Variants in AGBL4 observed in about 807,000 individuals in gnomAD.
The protein encoded by AGBL4 is AGBL carboxypeptidase 4, also known as cytosolic carboxypeptidase 6.
A neutral mutation model predicts 66.4 loss-of-function variants in AGBL4; 58 were observed. The ratio of observed to expected loss-of-function variants is 0.87; its 90% CI spans 0.71 to 1.09. The LOEUF is 1.09. Among genes scored for constraint, AGBL4 ranks in the 50% least tolerant of loss-of-function variants. AGBL4 has a pLI of 0.00. For synonymous variants in AGBL4, 234 were observed against 222.9 expected, an observed-to-expected ratio of 1.05 and a Z score of -0.44; for missense variants, 579 against 631.0, an observed-to-expected ratio of 0.92 and a Z score of 0.88.
intron 6 of AGBL4, among the ~76,000 whole-genome samples, chr1:48,851,863 T>C (rs905304736): frequency 6.6e-6 from 1 of 151,922 alleles, no homozygotes; most frequent in Admixed American, 6.6e-5. Flanking sequence ...TAGAGCCTAT[T>C]GGCATGTCAG....
At chr1:49,348,171 C>G (rs1645675178) in intron 3 of AGBL4, among the ~76,000 whole-genome samples, 1 of 152,118 alleles carries the variant, frequency 6.6e-6, no homozygotes, top group African/African-American at 2.4e-5. Flanking sequence ...GTAATCCCAG[C>G]ACTTTGGGAG....
At position 48,842,316 on chromosome 1, in the gene AGBL4, A is replaced by T. The variant is rs191878633; in HGVS notation, c.634+24875T>A. On this transcript the variant is annotated intron_variant, in intron 6 of 13. Transcript: ENST00000371839. ...AGTGTATTTCACTGAAGATGATCTC[A>T]CCAAGTCATTGTCCTCTGTGTAGCG... Among the ~76,000 whole-genome samples, 28 of 152,060 alleles carry T rather than the reference A, an allele frequency of 1.8e-4. No individual in the cohort carries two copies. In the East Asian group the frequency reaches 5.2e-3, roughly 28 times the overall value.
chr1:49,564,581 G>A (rs1199185913), intron 3 of AGBL4, among the ~76,000 whole-genome samples: 1 of 152,138 alleles, frequency 6.6e-6, no homozygotes, highest in African/African-American at 2.4e-5. Flanking sequence ...AGTCATTCAG[G>A]AGCAGGTTGT....
chr1:49,564,294 G>T (rs1644134424), intron 3 of AGBL4, among the ~76,000 whole-genome samples: 1 of 152,040 alleles, frequency 6.6e-6, no homozygotes, highest in African/African-American at 2.4e-5. Context: ...GGCTTTTTGT[G>T]TCTCTATTTC....
At chr1:49,411,872 G>T (rs1336146681) in intron 3 of AGBL4, among the ~76,000 whole-genome samples, 2 of 152,186 alleles carry the variant, frequency 1.3e-5, no homozygotes, top group African/African-American at 4.8e-5. Context: ...AAGTCTGAAT[G>T]AGGGCAGTGG....
At position 48,760,646 on chromosome 1, in the gene AGBL4, T is replaced by C. The variant is rs115091876; in HGVS notation, c.635-97405A>G. Among the ~76,000 whole-genome samples, 588 of 152,304 alleles carry C rather than the reference T, an allele frequency of 3.9e-3. 2 individuals are homozygous for C. Among genetic ancestry groups the C allele is most frequent in the African/African-American group, 0.013 (543 of 41,556 alleles). On this transcript the variant is annotated intron_variant, in intron 6 of 13. Transcript: ENST00000371839. ...CATAGCAGGAGTACAATGAATGCCATGAACTGAACTCAGCTACATTCCTTG... is the reference window on the plus strand; with the variant it reads ...CATAGCAGGAGTACAATGAATGCCACGAACTGAACTCAGCTACATTCCTTG...
chr1:49,413,684 G>A (rs1325298501), intron 3 of AGBL4, among the ~76,000 whole-genome samples: 1 of 152,132 alleles, frequency 6.6e-6, no homozygotes, highest in Non-Finnish European at 1.5e-5. Context: ...CCTGATCATC[G>A]CTGGGCTTAT....
At chr1:49,275,683 T>A (rs1262508043) in intron 3 of AGBL4, among the ~76,000 whole-genome samples, 1 of 152,148 alleles carries the variant, frequency 6.6e-6, no homozygotes, top group South Asian at 2.1e-4. Context: ...TGCCCATAGT[T>A]TTTGAGTTTT....
chr1:49,068,717 A>C (rs1644540470), intron 4 of AGBL4, among the ~76,000 whole-genome samples: 1 of 152,222 alleles, frequency 6.6e-6, no homozygotes, highest in Non-Finnish European at 1.5e-5. Flanking sequence ...TTATAGTAGA[A>C]TGATTTATAA....
At chr1:49,404,562 G>A (rs1458080155) in intron 3 of AGBL4, among the ~76,000 whole-genome samples, 1 of 152,136 alleles carries the variant, frequency 6.6e-6, no homozygotes, top group African/African-American at 2.4e-5. Flanking sequence ...TTATTCCTAT[G>A]TAGGCACCAT....
At chr1:49,578,562 G>T (rs1429780554) in intron 3 of AGBL4, among the ~76,000 whole-genome samples, 4 of 152,190 alleles carry the variant, frequency 2.6e-5, no homozygotes, top group Non-Finnish European at 5.9e-5. Context: ...AAACATGTTT[G>T]TGCACGTATG....
At chr1:48,937,843 A>G (rs1160942219) in intron 5 of AGBL4, among the ~76,000 whole-genome samples, 1 of 152,200 alleles carries the variant, frequency 6.6e-6, no homozygotes, top group Non-Finnish European at 1.5e-5. Context: ...GTTACCTTCC[A>G]TACCCACTAC....
At chr1:48,753,174 G>A (rs1310287193) in intron 6 of AGBL4, among the ~76,000 whole-genome samples, 3 of 152,372 alleles carry the variant, frequency 2.0e-5, no homozygotes, top group East Asian at 3.9e-4. Flanking sequence ...TGGAAGAGCT[G>A]GGGTTGAAAA....
intron 2 of AGBL4, among the ~76,000 whole-genome samples, chr1:49,777,964 G>T (rs1644240429): frequency 6.6e-6 from 1 of 152,180 alleles, no homozygotes; most frequent in Non-Finnish European, 1.5e-5. Flanking sequence ...CTCACAAGCT[G>T]CTCCCATTAT....
chr1:49,960,781 A>C (rs993607742), intron 1 of AGBL4, among the ~76,000 whole-genome samples: 69 of 152,214 alleles, frequency 4.5e-4, no homozygotes, highest in African/African-American at 1.6e-3. Flanking sequence ...TCAGAAAAGG[A>C]AAGTAATTTT....
intron 3 of AGBL4, among the ~76,000 whole-genome samples, chr1:49,273,276 G>A (rs1177397299): frequency 2.6e-5 from 4 of 151,820 alleles, no homozygotes; most frequent in African/African-American, 9.7e-5. Context: ...GAAAATAAGG[G>A]TTACTGAGAG....
chr1:49,005,955 T>C (rs1571210578), intron 5 of AGBL4, among the ~76,000 whole-genome samples: 1 of 151,684 alleles, frequency 6.6e-6, no homozygotes, highest in Non-Finnish European at 1.5e-5. Flanking sequence ...GAGCCGAGAC[T>C]GCACCACTGC....
intron 6 of AGBL4, among the ~76,000 whole-genome samples, chr1:48,752,931 G>C (rs1651978007): frequency 6.6e-6 from 1 of 152,112 alleles, no homozygotes; most frequent in African/African-American, 2.4e-5. Context: ...TGTATTTTTA[G>C]TAGAGGCGGG....
At chr1:49,094,224 T>G (rs761919698) in intron 4 of AGBL4, among the ~76,000 whole-genome samples, 31 of 151,916 alleles carry the variant, frequency 2.0e-4, no homozygotes, top group Non-Finnish European at 4.3e-4. Context: ...TACCCCCCAC[T>G]CCCCTACCCC....
Sources: allele counts gnomAD v4.1 joint callset (sites outside exome capture counted in the v4.1 genomes callset), GRCh38; gene constraint gnomAD v4.1.1; transcripts MANE v1.5; gene names NCBI Gene and HGNC (gene_info 2026-07-23, HGNC 2026-07-21).